Variants in KAZN observed in about 807,000 individuals in gnomAD.
KAZN encodes kazrin.
A neutral mutation model predicts 87.4 loss-of-function variants in KAZN; 40 were observed. The observed-to-expected ratio is 0.46, with a 90% confidence interval of 0.36 to 0.60. KAZN has a LOEUF of 0.60. Ranked by LOEUF, KAZN falls within the 20% of genes least tolerant of loss-of-function variation. The probability of loss-of-function intolerance (pLI) is 0.00; values close to 1 mark genes in which losing one functional copy is unlikely to be tolerated. For synonymous variants in KAZN, 466 were observed against 458.3 expected, an observed-to-expected ratio of 1.02 and a Z score of -0.22; for missense variants, 898 against 1,073.9, an observed-to-expected ratio of 0.84 and a Z score of 2.29.
At chr1:14,592,547 G>C (rs763868968) in intron 2 of KAZN, among the ~76,000 whole-genome samples, 7 of 152,216 alleles carry the variant, frequency 4.6e-5, no homozygotes, top group Non-Finnish European at 1.0e-4. Flanking sequence ...TTCACAAGCA[G>C]CTTCTGAGAA....
chr1:14,333,091 G>A (rs2100876959), intron 2 of KAZN, among the ~76,000 whole-genome samples: 1 of 152,128 alleles, frequency 6.6e-6, no homozygotes, highest in Admixed American at 6.5e-5. Context: ...CTGTGTCCAT[G>A]TGTTCTCATT....
Position 14,075,590 on chromosome 1 carries a change from TA to T in KAZN, c.92-104837del, listed in dbSNP as rs545591276. 6.0e-4 allele frequency among the ~76,000 whole-genome samples: 91 copies of T among 152,100 alleles called. 1 individual carries two copies. The South Asian group carries it at 0.018, about 30-fold the overall frequency. ...AAATAAACTAATGTGGGCAGACTTT[TA>T]AAAAAAAGTCATCCAAATTTTTATA... On this transcript the variant is annotated intron_variant, in intron 1 of 16. Coordinates refer to the KAZN transcript ENST00000636203.
chr1:14,668,730 G>T (rs150992545), intron 1 of KAZN, among the ~76,000 whole-genome samples: 1 of 152,130 alleles, frequency 6.6e-6, no homozygotes, highest in Non-Finnish European at 1.5e-5. Flanking sequence ...ATAGTTTGTC[G>T]CAGGAATTCA....
intron 2 of KAZN, among the ~76,000 whole-genome samples, chr1:14,427,273 C>A (rs1269439063): frequency 6.6e-6 from 1 of 152,174 alleles, no homozygotes; most frequent in Non-Finnish European, 1.5e-5. Context: ...GATATGACCA[C>A]AAGCAAGTGA....
chr1:15,065,718 A>G lies in KAZN; in HGVS notation c.1187A>G (p.Lys396Arg). ...GSISRVFARGKQRKSLDPGLF... is the reference protein window; with the variant it reads ...GSISRVFARGRQRKSLDPGLF... Reference sequence around the variant, plus strand: ...ATCTCCCGCGTCTTCGCCAGAGGGAAGCAGCGGAAGTCCCTCGACCCCGGC... The same window carrying G: ...ATCTCCCGCGTCTTCGCCAGAGGGAGGCAGCGGAAGTCCCTCGACCCCGGC... The change falls in exon 8 of 15, where the codon AAG becomes AGG. Residue 396 changes from lysine to arginine, a missense_variant. Transcript: ENST00000376030. The G allele has an allele frequency of 1.2e-6, 2 of 1,614,250 alleles. No individual in the cohort carries two copies. The highest frequency in any genetic ancestry group is 1.7e-6 in the Non-Finnish European group (2 of 1,180,028).
chr1:14,161,598 T>C (rs1645710971), intron 1 of KAZN, among the ~76,000 whole-genome samples: 3 of 152,194 alleles, frequency 2.0e-5, no homozygotes, highest in Admixed American at 1.3e-4. Context: ...AGACGTCAAA[T>C]GGACATTTCC....
intron 2 of KAZN, among the ~76,000 whole-genome samples, chr1:14,539,012 G>A (rs990650513): frequency 2.6e-5 from 4 of 152,132 alleles, no homozygotes; most frequent in African/African-American, 7.2e-5. Flanking sequence ...AACTTAGAGC[G>A]TTATTTTACT....
chr1:14,951,463 TTTTA>T (rs1368142634), intron 1 of KAZN, among the ~76,000 whole-genome samples: 3 of 151,918 alleles, frequency 2.0e-5, no homozygotes, highest in African/African-American at 7.3e-5. Context: ...TTAATTTTTA[TTTTA>T]TTTATTTATT....
At chr1:14,727,573 G>A (rs1291466267) in intron 1 of KAZN, among the ~76,000 whole-genome samples, 1 of 141,576 alleles carries the variant, frequency 7.1e-6, no homozygotes, top group Non-Finnish European at 1.5e-5. Context: ...TCTGCTTCCT[G>A]GGTTCAAGCG....
chr1:14,566,313 A>G (rs555580322), intron 2 of KAZN, among the ~76,000 whole-genome samples: 32 of 152,316 alleles, frequency 2.1e-4, no homozygotes. Context: ...TTTTCTAAGC[A>G]GTAGGTCTCA....
intron 2 of KAZN, among the ~76,000 whole-genome samples, chr1:14,593,422 G>C (rs952887813): frequency 2.0e-5 from 3 of 152,136 alleles, no homozygotes; most frequent in East Asian, 3.9e-4. Context: ...GGGTACATGC[G>C]GGGGAGGGAC....
At chr1:14,615,602 C>T (rs557298402) in intron 1 of KAZN, among the ~76,000 whole-genome samples, 65 of 150,002 alleles carry the variant, frequency 4.3e-4, no homozygotes, top group Admixed American at 1.5e-3. Context: ...CTCCAGTCTG[C>T]ATGTCAGAGT....
chr1:15,059,911 TC>T (rs551275667), intron 5 of KAZN, among the ~76,000 whole-genome samples: 80 of 152,274 alleles, frequency 5.3e-4, no homozygotes, highest in African/African-American at 1.8e-3. Context: ...CTTGAAAACT[TC>T]CATGTCTTCT....
intron 14 of KAZN, 133 bp downstream of exon 14, chr1:15,112,674 A>G: frequency 1.6e-6 from 1 of 624,610 alleles, no homozygotes; most frequent in Non-Finnish European, 2.9e-6. Flanking sequence ...GGGGGCATCC[A>G]GGACAGATGC....
At chr1:15,043,730 A>G (rs1269471597) in intron 3 of KAZN, among the ~76,000 whole-genome samples, 2 of 130,060 alleles carry the variant, frequency 1.5e-5, no homozygotes. Flanking sequence ...TGCAAGCTCC[A>G]CCTCCCAGGT....
rs77518762 is a variant in KAZN at position 14,679,805 on chromosome 1, C to T, written c.226+80582C>T. On this transcript the variant is annotated intron_variant, in intron 1 of 14. Transcript: ENST00000376030. ...TCGGATAGGCATCAGGTTTTGAACC[C>T]AGACAGTCATGCTCCACCACTGGGG... Among the ~76,000 whole-genome samples the T allele has an allele frequency of 7.9e-3, 1,206 of 152,164 alleles. 21 individuals carry two copies. The highest frequency in any genetic ancestry group is 0.027 in the African/African-American group (1,108 of 41,504).
chr1:13,982,829 C>A (rs1454222618), intron 1 of KAZN, among the ~76,000 whole-genome samples: 1 of 150,090 alleles, frequency 6.7e-6, no homozygotes, highest in African/African-American at 2.5e-5. Flanking sequence ...CTGATTGGTG[C>A]TGATTATAAA....
At chr1:14,504,572 G>A (rs982980873) in intron 2 of KAZN, among the ~76,000 whole-genome samples, 17 of 152,190 alleles carry the variant, frequency 1.1e-4, no homozygotes, top group Admixed American at 8.5e-4. Context: ...TGCTACTCGA[G>A]GGGAGATGAG....
chr1:14,720,886 C>T (rs368033728), intron 1 of KAZN, among the ~76,000 whole-genome samples: 17 of 152,242 alleles, frequency 1.1e-4, no homozygotes, highest in East Asian at 7.7e-4. Context: ...TTGCCACTTT[C>T]CAAGGCATTT....
Sources: gnomAD v4.1 joint callset for allele counts (sites outside exome capture counted in the v4.1 genomes callset) on GRCh38, gnomAD v4.1.1 for gene constraint, MANE v1.5 for transcripts, NCBI Gene and HGNC (gene_info 2026-07-23, HGNC 2026-07-21) for gene names.